Variants in GLI2 observed in about 807,000 individuals in gnomAD.
GLI2 encodes the protein transcription activator GLI2.
In GLI2, 22 loss-of-function variants were observed where a neutral mutation model predicts 78.9. The observed-to-expected ratio is 0.28, with a 90% CI of 0.20 to 0.40. The LOEUF (loss-of-function observed/expected upper bound fraction) is 0.40, where lower values mean the gene tolerates loss of function less well. GLI2 is among the 10% of genes least tolerant of loss of function. The pLI is 1.00. For synonymous variants in GLI2, 974 were observed against 963.7 expected (o/e 1.01, Z -0.20); for missense variants, 2,097 against 2,213.2 (o/e 0.95, Z 1.05).
rs1683981057 is a variant in GLI2, at chr2:120,785,803, C to G, written c.-30-11488C>G. Among the ~76,000 whole-genome samples, 5 of 152,338 alleles carry G rather than the reference C, an allele frequency of 3.3e-5. 1 individual carries two copies. The highest frequency in any genetic ancestry group is 3.9e-4 in the East Asian group (2 of 5,180). On this transcript the variant is annotated intron_variant, in intron 1 of 13. Transcript: ENST00000361492. ...AACACTGTACTCCCTGGGGGTCCAGCCTGCCTATCTCACACCCAGAGTTGC... is the reference window on the plus strand; with the variant it reads ...AACACTGTACTCCCTGGGGGTCCAGGCTGCCTATCTCACACCCAGAGTTGC...
Position 120,982,929 on chromosome 2 carries a change from C to T in GLI2, c.1632+49C>T, listed in dbSNP as rs280196. The T allele has an allele frequency of 0.93, 1,469,729 of 1,586,752 alleles. 692,339 individuals carry two copies. Among genetic ancestry groups the T allele is most frequent in the East Asian group, 1 (44,410 of 44,438 alleles). On this transcript the variant is annotated intron_variant, in intron 11 of 13. Coordinates refer to ENST00000361492, the MANE Select transcript of GLI2 (RefSeq NM_001374353.1). ...GGCATGCACACTGGGGCCCCACTGA[C>T]GCCCCATGGCTTCCAGGCATCTGTA...
chr2:120,992,619 C>G lies in GLI2; in HGVS notation c.*1944C>G, dbSNP rs991797008. The G allele has an allele frequency of 1.3e-5, 2 of 152,194 alleles. No individual in the cohort carries two copies. Among genetic ancestry groups the G allele is most frequent in the African/African-American group, 4.8e-5 (2 of 41,448 alleles). The allele number at this position is 152,194 out of a possible 1,614,324, so 9.4% of individuals were successfully genotyped here. A position where few individuals can be genotyped will look rare whatever the true frequency, so the allele number is the denominator to read the frequency against. The stretch of plus-strand genomic sequence containing the variant: ...TCTTAACAGTGTCAAAATTGACTAT[C>G]CCGCCTTTGCCAAGAAATGTTTAAT... On this transcript the variant is annotated 3_prime_UTR_variant, in exon 14 of 14. Transcript: ENST00000361492.
chr2:120,958,240 C>T (rs953633733), intron 5 of GLI2, among the ~76,000 whole-genome samples: 1 of 152,166 alleles, frequency 6.6e-6, no homozygotes, highest in African/African-American at 2.4e-5. Flanking sequence ...GTGAGCCTGG[C>T]CCAGTGCCTG....
chr2:120,836,505 T>A (rs1686618678), intron 2 of GLI2, among the ~76,000 whole-genome samples: 1 of 152,232 alleles, frequency 6.6e-6, no homozygotes, highest in South Asian at 2.1e-4. Context: ...ATTTACACTT[T>A]TTTATTGTTG....
chr2:120,918,846 G>A (rs548265155), intron 2 of GLI2, among the ~76,000 whole-genome samples: 11 of 152,356 alleles, frequency 7.2e-5, no homozygotes, highest in Middle Eastern at 3.4e-3. Flanking sequence ...TGACAGAGCC[G>A]TGGTTCACAC....
intron 3 of GLI2, among the ~76,000 whole-genome samples, chr2:120,947,381 A>G (rs1680760675): frequency 6.6e-6 from 1 of 152,248 alleles, no homozygotes; most frequent in South Asian, 2.1e-4. Flanking sequence ...GAATTCACAA[A>G]GAAAATATGT....
At chr2:120,909,310 C>T (rs1322154095) in intron 2 of GLI2, among the ~76,000 whole-genome samples, 2 of 152,054 alleles carry the variant, frequency 1.3e-5, no homozygotes, top group Non-Finnish European at 2.9e-5. Context: ...TACTGTCTCC[C>T]TCCCCACCAA....
chr2:120,796,171 T>G (rs1684383792), intron 1 of GLI2, among the ~76,000 whole-genome samples: 1 of 152,206 alleles, frequency 6.6e-6, no homozygotes, highest in African/African-American at 2.4e-5. Context: ...GAGACGGAAG[T>G]TGCCCATGCC....
intron 1 of GLI2, among the ~76,000 whole-genome samples, chr2:120,781,331 G>A (rs1303729999): frequency 4.6e-5 from 7 of 152,124 alleles, no homozygotes; most frequent in Non-Finnish European, 1.0e-4. Flanking sequence ...AAACCCAGGG[G>A]CCAAAACCAG....
At chr2:120,787,870 G>A (rs549416639) in intron 1 of GLI2, among the ~76,000 whole-genome samples, 30 of 152,176 alleles carry the variant, frequency 2.0e-4, no homozygotes, top group Non-Finnish European at 3.8e-4. Context: ...AGTGGAACAA[G>A]CACATTACAA....
At chr2:120,907,567 A>G (rs1678602566) in intron 2 of GLI2, among the ~76,000 whole-genome samples, 1 of 152,190 alleles carries the variant, frequency 6.6e-6, no homozygotes, top group Non-Finnish European at 1.5e-5. Context: ...ATGGGAAAGA[A>G]CAGTCACCAT....
At chr2:120,974,817 T>G in intron 8 of GLI2, 158 bp from the exon 9 acceptor site, 1 of 924,896 alleles carries the variant, frequency 1.1e-6, no homozygotes, top group Non-Finnish European at 1.8e-6. Context: ...CATGCATGTG[T>G]TGTGTGTGTG....
At chr2:120,964,285 G>T (rs1195355234) in intron 5 of GLI2, among the ~76,000 whole-genome samples, 1 of 152,236 alleles carries the variant, frequency 6.6e-6, no homozygotes, top group Non-Finnish European at 1.5e-5. Flanking sequence ...AGGAGGGGCT[G>T]GAAGGAGACC....
At chr2:120,926,741 C>T (rs1238967764) in intron 2 of GLI2, among the ~76,000 whole-genome samples, 2 of 152,212 alleles carry the variant, frequency 1.3e-5, no homozygotes, top group Admixed American at 6.5e-5. Flanking sequence ...CTGGCGTTTT[C>T]GATCCTGGGG....
intron 4 of GLI2, 90 bp from the exon 5 acceptor site, chr2:120,955,155 T>A: frequency 2.6e-5 from 1 of 39,212 alleles, no homozygotes; most frequent in African/African-American, 2.7e-4. Flanking sequence ...CTCTCTGCCT[T>A]TTTTTTTTTT....
chr2:120,927,484 C>CCTG lies in GLI2; in HGVS notation c.254+24_254+26dup, dbSNP rs1464043943. ...GTGCACGGGTAAGTCCTGCCCTCTG[C>CCTG]CTGCTGCTCCTGGCGTGCAGTCACC... On this transcript the variant is annotated intron_variant, in intron 3 of 13. Coordinates refer to ENST00000361492, the MANE Select transcript of GLI2 (RefSeq NM_001374353.1). 2.6e-6 allele frequency: 4 copies of CCTG among 1,532,140 alleles called. No individual in the cohort carries two copies. Among genetic ancestry groups the CCTG allele is most frequent in the Non-Finnish European group, 3.6e-6 (4 of 1,105,222 alleles). 94.9% of individuals were successfully genotyped at this position (1,532,140 alleles called of 1,614,324 possible).
chr2:120,884,034 T>A (rs1677281688), intron 2 of GLI2, among the ~76,000 whole-genome samples: 1 of 152,172 alleles, frequency 6.6e-6, no homozygotes, highest in Non-Finnish European at 1.5e-5. Context: ...AGCCACCACC[T>A]GAAGTTAGGG....
intron 1 of GLI2, among the ~76,000 whole-genome samples, chr2:120,781,488 G>A (rs1476779233): frequency 2.6e-5 from 4 of 152,164 alleles, no homozygotes; most frequent in Non-Finnish European, 5.9e-5. Context: ...TTTCGCTTCG[G>A]GTCAGGAGTC....
intron 2 of GLI2, among the ~76,000 whole-genome samples, chr2:120,858,782 G>A (rs1475483406): frequency 1.2e-4 from 19 of 152,184 alleles, no homozygotes; most frequent in Admixed American, 1.2e-3. Flanking sequence ...GTGCTGGGGG[G>A]CACAGGCATT....
Sources: allele counts gnomAD v4.1 joint callset (sites outside exome capture counted in the v4.1 genomes callset), GRCh38; gene constraint gnomAD v4.1.1; transcripts MANE v1.5; gene names NCBI Gene and HGNC (gene_info 2026-07-23, HGNC 2026-07-21).